Variants in NYNRIN observed in about 807,000 individuals in gnomAD.
The protein encoded by NYNRIN is NYN domain and retroviral integrase containing.
Under a neutral mutation model 146.6 loss-of-function variants are expected in NYNRIN, and 86 were observed. The ratio of observed to expected loss-of-function variants is 0.59; its 90% confidence interval spans 0.49 to 0.70. The LOEUF is 0.70. Among genes scored for constraint, NYNRIN ranks in the 30% least tolerant of loss-of-function variants. The pLI, the probability that NYNRIN is intolerant of heterozygous loss-of-function variation, is 0.00. For missense variants in NYNRIN, 2,191 were observed against 2,377.7 expected, an observed-to-expected ratio of 0.92 and a Z score of 1.63; for synonymous variants, 1,027 against 1,001.3, an observed-to-expected ratio of 1.03 and a Z score of -0.48.
At chr14:24,413,810 G>C (rs2042927331) in intron 8 of NYNRIN, among the ~76,000 whole-genome samples, 1 of 152,192 alleles carries the variant, frequency 6.6e-6, no homozygotes, top group East Asian at 1.9e-4. Context: ...TCCATTATAT[G>C]CTGTTGGGTC....
At chr14:24,406,686 C>T (rs558441826) in intron 2 of NYNRIN, among the ~76,000 whole-genome samples, 44 of 152,172 alleles carry the variant, frequency 2.9e-4, no homozygotes, top group Admixed American at 1.1e-3. Flanking sequence ...GCTGGAGATC[C>T]AAAATGGAGT....
Position 24,416,890 on chromosome 14 carries a change from C to A in NYNRIN, c.5141C>A (p.Thr1714Lys), listed in dbSNP as rs367836472. ...CGGGACCTCCAGTTCCCCTGCCTGACGAGCTCAGGGGCCTACTGGGAATTC... is the reference window on the plus strand; with the variant it reads ...CGGGACCTCCAGTTCCCCTGCCTGAAGAGCTCAGGGGCCTACTGGGAATTC... ...LSRDLQFPCL[T>K]SSGAYWEFKR... Residue 1714 changes from threonine to lysine, a missense_variant, in exon 9 of 9, where the codon ACG becomes AAG. Thr to Lys is a moderately conservative substitution (Grantham distance 78, BLOSUM62 -1). Transcript: ENST00000382554. 158 of 1,606,564 alleles carry A rather than the reference C, an allele frequency of 9.8e-5. No individual in the cohort carries two copies. Among genetic ancestry groups the A allele is most frequent in the Non-Finnish European group, 1.3e-4 (150 of 1,175,724 alleles).
In NYNRIN at chr14:24,409,205, A is replaced by G; in HGVS notation, c.1411A>G (p.Lys471Glu). Residue 471 changes from lysine to glutamate, a missense_variant, in exon 4 of 9, where the codon AAA becomes GAA. Coordinates refer to ENST00000382554, the MANE Select transcript of NYNRIN (RefSeq NM_025081.3). ...CCCTGGGAGCTCAGATGTAAAAGAC[A>G]AAGTTAGCTCGGATCTCCCACAGAT... ...VVPGSSDVKD[K>E]VSSDLPQIGP... The G allele has an allele frequency of 6.2e-7, 1 of 1,613,946 alleles. No individual in the cohort carries two copies. The highest frequency in any genetic ancestry group is 8.5e-7 in the Non-Finnish European group (1 of 1,179,848).
chr14:24,407,843 C>T (rs529319160), intron 2 of NYNRIN, 26 bp from the exon 3 acceptor site: 1 of 1,566,512 alleles, frequency 6.4e-7, no homozygotes, highest in African/African-American at 1.4e-5. Flanking sequence ...GGGCTGACTT[C>T]ATTGTGTTCT....
Position 24,409,137 on chromosome 14 carries a change from C to T in NYNRIN, c.1343C>T (p.Pro448Leu). ...GGAGAAGCAGCCCTGCAGAATTGCC[C>T]AAGGCCAGAGATTTCCCCAAAAGTT... Reference protein sequence around the residue: ...LGGEAALQNCPRPEISPKVTS... With the variant: ...LGGEAALQNCLRPEISPKVTS... The change falls in exon 4 of 9, where the codon CCA becomes CTA. Residue 448 changes from proline (P) to leucine (L), a missense_variant. Physicochemically the swap from Pro to Leu is moderately conservative, Grantham distance 98. Coordinates refer to ENST00000382554, the MANE Select transcript of NYNRIN (RefSeq NM_025081.3). The T allele has an allele frequency of 1.2e-6, 2 of 1,613,896 alleles. No homozygotes were observed. Among genetic ancestry groups the T allele is most frequent in the Non-Finnish European group, 1.7e-6 (2 of 1,179,884 alleles).
In NYNRIN at chr14:24,399,359, A is replaced by G; in HGVS notation, c.113A>G (p.Lys38Arg). 1 of 1,613,854 alleles carries G rather than the reference A, an allele frequency of 6.2e-7. No individual in the cohort carries two copies. Among genetic ancestry groups the G allele is most frequent in the Non-Finnish European group, 8.5e-7 (1 of 1,179,832 alleles). The change falls in exon 2 of 9, where the codon AAG becomes AGG. Residue 38 changes from lysine to arginine, a missense_variant. Around this residue, in one of 3 missense-constraint regions of NYNRIN, gnomAD observed 895 missense variants for 941.2 expected, o/e 0.95. Transcript: ENST00000382554. ...CAAGTGCAGCGCATCTTTAGGGTCAAGCTGAACGCCTTCCAGAGCCGCCCG... is the reference window on the plus strand; with the variant it reads ...CAAGTGCAGCGCATCTTTAGGGTCAGGCTGAACGCCTTCCAGAGCCGCCCG... ...RLQVQRIFRV[K>R]LNAFQSRPDT...
intron 8 of NYNRIN, 72 bp downstream of exon 8, chr14:24,413,489 C>A: frequency 2.1e-6 from 2 of 938,320 alleles, no homozygotes; most frequent in Non-Finnish European, 3.2e-6. Flanking sequence ...TAGTGTTGGC[C>A]AACATCTAGT....
chr14:24,416,359 C>G lies in NYNRIN; in HGVS notation c.4610C>G (p.Pro1537Arg), dbSNP rs1167734594. The G allele has an allele frequency of 1.9e-6, 3 of 1,613,312 alleles. No individual in the cohort carries two copies. The highest frequency in any genetic ancestry group is 3.3e-5 in the Admixed American group (2 of 59,930). ...GDKKPRVWVV[P>R]TQLRRDLIFS... ...AAGAAGCCCAGGGTCTGGGTAGTCC[C>G]GACGCAACTCCGGAGGGATCTGATT... Residue 1537 changes from proline (P) to arginine (R), a missense_variant, in exon 9 of 9, where the codon CCG (proline) becomes CGG (arginine). Coordinates refer to ENST00000382554, the MANE Select transcript of NYNRIN (RefSeq NM_025081.3).
chr14:24,408,034 G>C lies in NYNRIN; in HGVS notation c.364G>C (p.Gly122Arg). The C allele has an allele frequency of 6.2e-7, 1 of 1,613,968 alleles. No individual in the cohort carries two copies. Among genetic ancestry groups the C allele is most frequent in the Non-Finnish European group, 8.5e-7 (1 of 1,179,884 alleles). ...CCCCCCTGGCTCCCTGATGGTGGGC[G>C]GGCTGACTGAGTCTTTCATCATGAC... is the stretch of plus-strand genomic sequence containing the variant. Reference protein sequence around the residue: ...PGPPGSLMVGGLTESFIMTQN... With the variant: ...PGPPGSLMVGRLTESFIMTQN... Residue 122 changes from glycine (G) to arginine (R), a missense_variant, in exon 3 of 9, where the codon GGG (glycine) becomes CGG (arginine). Around this residue, in one of 3 missense-constraint regions of NYNRIN, gnomAD observed 895 missense variants for 941.2 expected, o/e 0.95. Transcript: ENST00000382554.
Position 24,418,050 on chromosome 14 carries a change from C to CGTATCATTAAAAAA in NYNRIN, c.*604_*605insGTATCATTAAAAAA. ...GCACAGCTCTCAGGGCAGGGCTGGC[C>CGTATCATTAAAAAA]ATCCTCCCAGGCCTCAAGGGCAGTG... On this transcript the variant is annotated 3_prime_UTR_variant, in exon 9 of 9. Transcript: ENST00000382554. 1 of 329,964 alleles carries CGTATCATTAAAAAA rather than the reference C, an allele frequency of 3.0e-6. No individual in the cohort carries two copies. The highest frequency in any genetic ancestry group is 1.0e-4 in the East Asian group (1 of 9,912). 20.4% of individuals were successfully genotyped at this position (329,964 alleles called of 1,614,324 possible).
rs2042942102 is a variant in NYNRIN, at chr14:24,415,912, T to C, written c.4163T>C (p.Leu1388Pro). ...TGGATCTTCAGCCTCCTGTGGGAGC[T>C]CCTGCCCCTCTGGAGGGCTCGGGGC... ...CNWIFSLLWELLPLWRARGFL... is the reference protein window; with the variant it reads ...CNWIFSLLWEPLPLWRARGFL... The change falls in exon 9 of 9, where the codon CTC (leucine) becomes CCC (proline). Residue 1388 changes from leucine (L) to proline (P), a missense_variant. This residue lies in a region of NYNRIN where 1,291 missense variants were observed against 1,417.0 expected (regional missense o/e 0.91). Transcript: ENST00000382554. 6.2e-7 allele frequency: 1 copy of C among 1,613,978 alleles called. No homozygotes were observed. Among genetic ancestry groups the C allele is most frequent in the East Asian group, 2.2e-5 (1 of 44,880 alleles).
rs753671622 is a variant in NYNRIN, at chr14:24,414,765, CAG to C, written c.3017_3018del (p.Gln1006ArgfsTer9). ...GGAGAGGCAGGATGAGGAGCAGAGA[CAG>C]GGGCAGGGCACACAGAAGGCGGCTG... ...KEERQDEEQR[Q>X]GQGTQKAAEE... On this transcript the variant is annotated frameshift_variant, in exon 9 of 9. Coordinates refer to ENST00000382554, the MANE Select transcript of NYNRIN (RefSeq NM_025081.3). LOFTEE classifies it high-confidence loss of function. 7 of 1,613,718 alleles carry C rather than the reference CAG, an allele frequency of 4.3e-6. No individual in the cohort carries two copies. The highest frequency in any genetic ancestry group is 5.1e-6 in the Non-Finnish European group (6 of 1,179,768).
Position 24,417,191 on chromosome 14 carries a change from C to T in NYNRIN, c.5442C>T (p.Asn1814=). 1.2e-6 allele frequency: 2 copies of T among 1,614,072 alleles called. No individual in the cohort carries two copies. The highest frequency in any genetic ancestry group is 1.7e-6 in the Non-Finnish European group (2 of 1,179,904). The stretch of plus-strand genomic sequence containing the variant: ...ACAAGGCGAGTGAAAAGGCCGAGAA[C>T]AGGCGTTTCAAGCGGGAGAGCCAGG... ...VADKASEKAE[N]RRFKRESQEK... Residue 1814 remains asparagine, a synonymous_variant, in exon 9 of 9, where the codon AAC becomes AAT. Transcript: ENST00000382554.
In NYNRIN at chr14:24,415,860, C is replaced by A. The variant is rs2042941720; in HGVS notation, c.4111C>A (p.Pro1371Thr). Residue 1371 changes from proline to threonine, a missense_variant, in exon 9 of 9, where the codon CCA becomes ACA. Physicochemically the swap from Pro to Thr is conservative, Grantham distance 38 (BLOSUM62 -1). Transcript: ENST00000382554. ...GLERFGQSPLPVVFLTHCNWI... is the reference protein window; with the variant it reads ...GLERFGQSPLTVVFLTHCNWI... ...GGAGCGCTTTGGCCAGTCCCCACTC[C>A]CAGTGGTTTTCCTCACTCACTGCAA... 3 of 1,614,008 alleles carry A rather than the reference C, an allele frequency of 1.9e-6. No individual in the cohort carries two copies. Among genetic ancestry groups the A allele is most frequent in the Non-Finnish European group, 2.5e-6 (3 of 1,179,892 alleles).
chr14:24,401,475 T>G (rs1042713534), intron 2 of NYNRIN, among the ~76,000 whole-genome samples: 7 of 151,964 alleles, frequency 4.6e-5, no homozygotes, highest in African/African-American at 1.7e-4. Context: ...GGTTAGGGGA[T>G]CTGGGTTTGA....
In NYNRIN at chr14:24,408,067, T is replaced by G. The variant is rs757078571; in HGVS notation, c.397T>G (p.Trp133Gly). Residue 133 changes from tryptophan to glycine, a missense_variant, in exon 3 of 9, where the codon TGG becomes GGG. Physicochemically the swap from Trp to Gly is radical, Grantham distance 184 (BLOSUM62 -2). This residue lies in a region of NYNRIN where 895 missense variants were observed against 941.2 expected (regional missense o/e 0.95). Coordinates refer to ENST00000382554, the MANE Select transcript of NYNRIN (RefSeq NM_025081.3). ...TGAGTCTTTCATCATGACACAGAAC[T>G]GGCTGGAGGAGCTGGTGGGGCGACT... ...LTESFIMTQN[W>G]LEELVGRLRW... 1 of 1,613,734 alleles carries G rather than the reference T, an allele frequency of 6.2e-7. No homozygotes were observed. Among genetic ancestry groups the G allele is most frequent in the East Asian group, 2.2e-5 (1 of 44,892 alleles).
rs1397129123 is a variant in NYNRIN at position 24,409,977 on chromosome 14, G to C, written c.2183G>C (p.Ser728Thr). The C allele has an allele frequency of 6.2e-7, 1 of 1,613,812 alleles. No homozygotes were observed. The highest frequency in any genetic ancestry group is 1.7e-5 in the Admixed American group (1 of 60,002). Reference protein sequence around the residue: ...GQAGRQGPQSSGTLALSSKHQ... With the variant: ...GQAGRQGPQSTGTLALSSKHQ... ...GCTGGAAGGCAGGGTCCCCAGTCCA[G>C]TGGCACCTTGGCCCTCAGCAGTAAG... Residue 728 changes from serine to threonine, a missense_variant, in exon 4 of 9, where the codon AGT becomes ACT. By Grantham distance (58) the Ser-to-Thr change is moderately conservative. Coordinates refer to ENST00000382554, the MANE Select transcript of NYNRIN (RefSeq NM_025081.3).
At position 24,408,093 on chromosome 14, in the gene NYNRIN, G is replaced by A. The variant is rs200939181; in HGVS notation, c.423G>A (p.Leu141=). Residue 141 remains leucine, a synonymous_variant, in exon 3 of 9, where the codon CTG becomes CTA. Transcript: ENST00000382554. ...QNWLEELVGR[L]RWGPAPLLTP... Reference sequence around the variant, plus strand: ...GGCTGGAGGAGCTGGTGGGGCGACTGCGCTGGGGCCCTGCCCCTCTGCTGA... The same window carrying A: ...GGCTGGAGGAGCTGGTGGGGCGACTACGCTGGGGCCCTGCCCCTCTGCTGA... 4 of 1,613,040 alleles carry A rather than the reference G, an allele frequency of 2.5e-6. No individual in the cohort carries two copies. Among genetic ancestry groups the A allele is most frequent in the Non-Finnish European group, 3.4e-6 (4 of 1,179,782 alleles).
chr14:24,417,725 C>T lies in NYNRIN; in HGVS notation c.*279C>T. The T allele has an allele frequency of 2.7e-6, 1 of 371,722 alleles. No individual in the cohort carries two copies. The highest frequency in any genetic ancestry group is 4.3e-5 in the East Asian group (1 of 23,034). 23.0% of individuals were successfully genotyped at this position (371,722 alleles called of 1,614,324 possible). A position where few individuals can be genotyped will look rare whatever the true frequency, so the allele number is the denominator to read the frequency against. On this transcript the variant is annotated 3_prime_UTR_variant, in exon 9 of 9. Transcript: ENST00000382554. ...AATGGAGTGCTCCTCTAGGCTATAC[C>T]AGGCTCAGTGTCTTCTCCCCAAGTA...
Sources: allele counts gnomAD v4.1 joint callset (sites outside exome capture counted in the v4.1 genomes callset), GRCh38; gene constraint gnomAD v4.1.1; regional missense constraint gnomAD v4.1.1; transcripts MANE v1.5; gene names NCBI Gene and HGNC (gene_info 2026-07-23, HGNC 2026-07-21).